Variants in ADORA2B observed in about 807,000 individuals in gnomAD.
ADORA2B encodes the protein adenosine A2b receptor, also known as adenosine receptor A2b.
A neutral mutation model predicts 20.8 loss-of-function variants in ADORA2B; 18 were observed. The ratio of observed to expected loss-of-function variants is 0.87; its 90% confidence interval spans 0.60 to 1.29. ADORA2B has a LOEUF of 1.29. Among genes scored for constraint, ADORA2B ranks in the 50% most tolerant of loss-of-function variants. ADORA2B has a pLI of 0.00. For missense variants in ADORA2B, 441 were observed against 422.7 expected (o/e 1.04, Z -0.38); for synonymous variants, 179 against 178.3 (o/e 1.00, Z -0.03).
At chr17:15,854,466 A>G in the ADORA2B span, among the ~76,000 whole-genome samples, 3 of 152,194 alleles carry the variant, frequency 2.0e-5, no homozygotes, top group Non-Finnish European at 4.4e-5. Flanking sequence ...TAGAAGGGCA[A>G]TTCCTTAATC....
At chr17:15,919,927 T>C in the ADORA2B span, among the ~76,000 whole-genome samples, 1 of 152,190 alleles carries the variant, frequency 6.6e-6, no homozygotes, top group Non-Finnish European at 1.5e-5. Context: ...TTGATTGTAA[T>C]ACAGACCCAA....
chr17:15,859,685 C>T, the ADORA2B span, among the ~76,000 whole-genome samples: 5 of 152,192 alleles, frequency 3.3e-5, no homozygotes, highest in East Asian at 7.7e-4. Flanking sequence ...ATGGCATGCT[C>T]CTATAGTCCT....
chr17:15,884,807 A>C, the ADORA2B span, among the ~76,000 whole-genome samples: 2 of 152,094 alleles, frequency 1.3e-5, no homozygotes, highest in Non-Finnish European at 1.5e-5. Flanking sequence ...TATTCTCTTT[A>C]TTCAGTCTAT....
chr17:15,852,044 A>G, the ADORA2B span, among the ~76,000 whole-genome samples: 1 of 152,250 alleles, frequency 6.6e-6, no homozygotes. Context: ...ATATGTGTGA[A>G]TGAAAACTTA....
At chr17:15,897,539 G>A in the ADORA2B span, among the ~76,000 whole-genome samples, 6 of 152,142 alleles carry the variant, frequency 3.9e-5, no homozygotes, top group Non-Finnish European at 5.9e-5. Flanking sequence ...CTGCACTCCA[G>A]CCTGGGTGAC....
Position 15,953,797 on chromosome 17 carries a change from G to A in ADORA2B, c.335+8214G>A, listed in dbSNP as rs1009486428. Among the ~76,000 whole-genome samples, 36 of 152,176 alleles carry A rather than the reference G, an allele frequency of 2.4e-4. 1 individual carries two copies. Among genetic ancestry groups the A allele is most frequent in the Admixed American group, 1.2e-3 (18 of 15,278 alleles). On this transcript the variant is annotated intron_variant, in intron 1 of 1. Coordinates refer to ENST00000304222, the MANE Select transcript of ADORA2B (RefSeq NM_000676.4). Reference sequence around the variant, plus strand: ...TTCCTTGTGAAAGGTAACTCGTGCTGCTGGAAAGAAGCTGACACTGCACAG... The same window carrying A: ...TTCCTTGTGAAAGGTAACTCGTGCTACTGGAAAGAAGCTGACACTGCACAG...
the ADORA2B span, among the ~76,000 whole-genome samples, chr17:15,917,900 T>C: frequency 1.3e-5 from 2 of 152,168 alleles, no homozygotes; most frequent in African/African-American, 2.4e-5. Flanking sequence ...TCGGGCTCGG[T>C]CCCAGCCCCG....
Position 15,975,150 on chromosome 17 carries a change from G to T in ADORA2B, c.807G>T (p.Lys269Asn), listed in dbSNP as rs78454401. ...CAGCTCAGGGTAAAAATAAGCCCAA[G>T]TGGGCAATGAATATGGCCATTCTTC... ...FQPAQGKNKP[K>N]WAMNMAILLS... The change falls in exon 2 of 2, where the codon AAG becomes AAT. Residue 269 changes from lysine (K) to asparagine (N), a missense_variant. Transcript: ENST00000304222. 1 of 1,614,226 alleles carries T rather than the reference G, an allele frequency of 6.2e-7. No homozygotes were observed. Among genetic ancestry groups the T allele is most frequent in the Admixed American group, 1.7e-5 (1 of 60,036 alleles).
the ADORA2B span, among the ~76,000 whole-genome samples, chr17:15,934,847 C>A: frequency 1.3e-5 from 2 of 152,118 alleles, no homozygotes; most frequent in African/African-American, 4.8e-5. Flanking sequence ...CGCCCTGTTG[C>A]CCAAAGTGGA....
At chr17:15,955,846 G>A (rs1969959938) in intron 1 of ADORA2B, among the ~76,000 whole-genome samples, 1 of 151,564 alleles carries the variant, frequency 6.6e-6, no homozygotes, top group South Asian at 2.1e-4. Flanking sequence ...AGCCTCTCGA[G>A]TAGCTAGGAT....
the ADORA2B span, among the ~76,000 whole-genome samples, chr17:15,881,333 C>T: frequency 2.6e-5 from 4 of 152,142 alleles, no homozygotes; most frequent in Admixed American, 1.3e-4. Context: ...GACCTCCAGA[C>T]CTCGTGATCC....
At chr17:15,924,851 T>C in the ADORA2B span, among the ~76,000 whole-genome samples, 23 of 151,934 alleles carry the variant, frequency 1.5e-4, no homozygotes, top group Non-Finnish European at 2.5e-4. Context: ...TCAAATGTTT[T>C]TTTCTTTCTT....
chr17:15,892,398 A>G, the ADORA2B span, among the ~76,000 whole-genome samples: 2 of 151,844 alleles, frequency 1.3e-5, no homozygotes, highest in African/African-American at 4.8e-5. Context: ...CAGATTCCAG[A>G]CCTCAGGTGA....
chr17:15,920,065 A>AT, the ADORA2B span, among the ~76,000 whole-genome samples: 163 of 151,694 alleles, frequency 1.1e-3, no homozygotes, highest in Non-Finnish European at 1.4e-3. Flanking sequence ...TACTACAGTA[A>AT]TTTTTTTTTG....
the ADORA2B span, among the ~76,000 whole-genome samples, chr17:15,863,876 G>A: frequency 2.1e-4 from 32 of 152,318 alleles, no homozygotes; most frequent in African/African-American, 7.5e-4. Flanking sequence ...ACAATTTCAT[G>A]TTTATTTCAC....
chr17:15,955,217 G>A (rs1969952043), intron 1 of ADORA2B, among the ~76,000 whole-genome samples: 1 of 151,944 alleles, frequency 6.6e-6, no homozygotes, highest in African/African-American at 2.4e-5. Context: ...GTACACAGAG[G>A]GCCAACTTTT....
chr17:15,899,060 T>C, the ADORA2B span, among the ~76,000 whole-genome samples: 1 of 151,910 alleles, frequency 6.6e-6, no homozygotes, highest in East Asian at 1.9e-4. Context: ...TGAAACTGTG[T>C]CTCTACTAAA....
chr17:15,938,390 C>T, the ADORA2B span, among the ~76,000 whole-genome samples: 1 of 152,144 alleles, frequency 6.6e-6, no homozygotes, highest in African/African-American at 2.4e-5. Context: ...GCAACCTCTG[C>T]CTCTCGAGTT....
the ADORA2B span, among the ~76,000 whole-genome samples, chr17:15,891,712 C>T: frequency 2.6e-5 from 4 of 151,802 alleles, no homozygotes; most frequent in South Asian, 2.1e-4. Flanking sequence ...GATGGAGTCT[C>T]GCTTTGTCAC....
Sources: allele counts gnomAD v4.1 joint callset (sites outside exome capture counted in the v4.1 genomes callset), GRCh38; gene constraint gnomAD v4.1.1; transcripts MANE v1.5; gene names NCBI Gene and HGNC (gene_info 2026-07-23, HGNC 2026-07-21).